The following CRTC3 variants were observed in gnomAD, a reference collection of about 807,000 sequenced individuals.
CRTC3 encodes CREB regulated transcription coactivator 3, also known as CREB-regulated transcription coactivator 3.
Under a neutral mutation model 74.5 loss-of-function variants are expected in CRTC3, and 26 were observed. The ratio of observed to expected loss-of-function variants is 0.35; its 90% confidence interval spans 0.26 to 0.48. The LOEUF (loss-of-function observed/expected upper bound fraction) is 0.48. Among genes scored for constraint, CRTC3 ranks in the 20% least tolerant of loss-of-function variants. CRTC3 has a pLI of 0.99. For synonymous variants in CRTC3, 377 were observed against 325.8 expected, an observed-to-expected ratio of 1.16 and a Z score of -1.69; for missense variants, 760 against 787.3, an observed-to-expected ratio of 0.97 and a Z score of 0.41.
rs1438285337 is a variant in CRTC3 at position 90,604,428 on chromosome 15, C to G, written c.457C>G (p.Leu153Val). The G allele has an allele frequency of 9.3e-6, 15 of 1,613,746 alleles. No individual in the cohort carries two copies. Among genetic ancestry groups the G allele is most frequent in the African/African-American group, 1.3e-5 (1 of 75,048 alleles). ...WKDEKHPGFR[L>V]TSALNRTNSD... ...AGACGAAAAGCATCCTGGGTTCAGG[C>G]TGACATCTGCACTTAACAGGTACAT... Residue 153 changes from leucine (L) to valine (V), a missense_variant, in exon 5 of 15, where the codon CTG becomes GTG. By Grantham distance (32) the Leu-to-Val change is conservative. Transcript: ENST00000268184.
intron 11 of CRTC3, among the ~76,000 whole-genome samples, chr15:90,632,228 C>T (rs1969065525): frequency 6.6e-6 from 1 of 152,136 alleles, no homozygotes; most frequent in South Asian, 2.1e-4. Flanking sequence ...TTTTTAGCTA[C>T]ATTTTAAGGA....
At chr15:90,626,894 C>T (rs1333670924) in intron 10 of CRTC3, among the ~76,000 whole-genome samples, 2 of 152,226 alleles carry the variant, frequency 1.3e-5, no homozygotes, top group African/African-American at 4.8e-5. Flanking sequence ...GGATTACAGG[C>T]GTGAGCCACC....
chr15:90,634,185 C>T (rs1191216211), intron 11 of CRTC3, among the ~76,000 whole-genome samples: 2 of 149,784 alleles, frequency 1.3e-5, no homozygotes, highest in Non-Finnish European at 3.0e-5. Flanking sequence ...GATCTCGGCT[C>T]ATTGTAACCT....
At chr15:90,619,638 C>T (rs1287523323) in intron 8 of CRTC3, 103 bp from the exon 9 acceptor site, 3 of 883,150 alleles carry the variant, frequency 3.4e-6, no homozygotes, top group South Asian at 2.7e-5. Flanking sequence ...CGCAAGCTCT[C>T]ACTTGCGCCC....
intron 7 of CRTC3, 125 bp from the exon 8 acceptor site, chr15:90,617,758 T>G (rs1317897338): frequency 4.8e-6 from 3 of 631,228 alleles, no homozygotes; most frequent in Non-Finnish European, 8.6e-6. Context: ...CTCAAACTCC[T>G]GGGCTCAAGC....
chr15:90,627,517 C>CTT (rs748791436), intron 10 of CRTC3, among the ~76,000 whole-genome samples: 28 of 152,258 alleles, frequency 1.8e-4, no homozygotes, highest in Middle Eastern at 6.8e-3. Flanking sequence ...GCCTTTGACA[C>CTT]TTTGCTTCAA....
At chr15:90,546,024 CG>C (rs1966843757) in intron 2 of CRTC3, among the ~76,000 whole-genome samples, 1 of 152,036 alleles carries the variant, frequency 6.6e-6, no homozygotes, top group African/African-American at 2.4e-5. Context: ...TCTCAAGTCT[CG>C]AAGAGTAGAA....
chr15:90,576,833 G>A (rs1454530641), intron 2 of CRTC3, among the ~76,000 whole-genome samples: 1 of 152,132 alleles, frequency 6.6e-6, no homozygotes, highest in African/African-American at 2.4e-5. Context: ...GTGGAGCAGA[G>A]GGATGGGGGC....
intron 2 of CRTC3, among the ~76,000 whole-genome samples, chr15:90,545,793 T>G (rs190294857): frequency 0.033 from 5,047 of 152,140 alleles, 135 homozygotes; most frequent in Non-Finnish European, 0.049. Flanking sequence ...TTAGCCAGGA[T>G]GGTCTCCATC....
intron 11 of CRTC3, among the ~76,000 whole-genome samples, chr15:90,637,386 A>C (rs1016140096): frequency 1.9e-4 from 29 of 152,224 alleles, no homozygotes; most frequent in African/African-American, 7.0e-4. Flanking sequence ...GGGGAACATC[A>C]CACACCGGGG....
chr15:90,593,232 C>G (rs553269993), intron 2 of CRTC3, among the ~76,000 whole-genome samples: 15 of 152,284 alleles, frequency 9.9e-5, no homozygotes, highest in African/African-American at 3.6e-4. Context: ...TGAATTCAAT[C>G]AAAAATTTTA....
At chr15:90,612,884 A>G (rs750037605) in intron 6 of CRTC3, among the ~76,000 whole-genome samples, 5 of 152,130 alleles carry the variant, frequency 3.3e-5, no homozygotes, top group Non-Finnish European at 7.4e-5. Flanking sequence ...ACCTTCTGCA[A>G]TAGAGTCTCC....
intron 3 of CRTC3, among the ~76,000 whole-genome samples, chr15:90,601,729 G>A (rs1264544076): frequency 6.6e-6 from 1 of 152,156 alleles, no homozygotes; most frequent in Non-Finnish European, 1.5e-5. Context: ...GTCACTGGAA[G>A]CCCAAGGGCT....
chr15:90,539,918 C>T (rs1348616994), intron 1 of CRTC3, 121 bp from the exon 2 acceptor site: 2 of 726,356 alleles, frequency 2.8e-6, no homozygotes, highest in Non-Finnish European at 4.7e-6. Context: ...TCACTTACGT[C>T]GAGAAGAAAT....
In CRTC3 at chr15:90,644,536, C is replaced by G. The variant is rs2151101290; in HGVS notation, c.*2396C>G. ...TGCCCCAAAGGCGTTCTCCAGGTGACTTGTGAAAACAGACCTCCGGGGAAG... is the reference window on the plus strand; with the variant it reads ...TGCCCCAAAGGCGTTCTCCAGGTGAGTTGTGAAAACAGACCTCCGGGGAAG... On this transcript the variant is annotated 3_prime_UTR_variant, in exon 15 of 15. Transcript: ENST00000268184. 1 of 232,864 alleles carries G rather than the reference C, an allele frequency of 4.3e-6. No homozygotes were observed. Among genetic ancestry groups the G allele is most frequent in the East Asian group, 6.1e-5 (1 of 16,498 alleles). The allele number at this position is 232,864 out of a possible 1,614,324, so 14.4% of individuals were successfully genotyped here.
At chr15:90,622,120 C>T (rs1486435714) in intron 9 of CRTC3, among the ~76,000 whole-genome samples, 1 of 152,048 alleles carries the variant, frequency 6.6e-6, no homozygotes, top group Non-Finnish European at 1.5e-5. Flanking sequence ...TGCAAAGACC[C>T]CAAGGCAGGA....
intron 2 of CRTC3, among the ~76,000 whole-genome samples, chr15:90,574,168 C>T (rs960917364): frequency 1.3e-5 from 2 of 152,074 alleles, no homozygotes; most frequent in African/African-American, 4.8e-5. Flanking sequence ...AAGTAATTTA[C>T]AGATTTTAAA....
chr15:90,611,692 C>T (rs1410542913), intron 6 of CRTC3, among the ~76,000 whole-genome samples: 1 of 152,126 alleles, frequency 6.6e-6, no homozygotes, highest in Admixed American at 6.5e-5. Context: ...TTTATCCCAG[C>T]AGTATGTCTC....
At chr15:90,619,952 T>C (rs1288159070) in intron 9 of CRTC3, 162 bp downstream of exon 9, 1 of 626,520 alleles carries the variant, frequency 1.6e-6, no homozygotes, top group African/African-American at 1.8e-5. Context: ...TTGATACTCA[T>C]ATTTCATCTG....
Sources: allele counts gnomAD v4.1 joint callset (sites outside exome capture counted in the v4.1 genomes callset), GRCh38; gene constraint gnomAD v4.1.1; transcripts MANE v1.5; gene names NCBI Gene and HGNC (gene_info 2026-07-23, HGNC 2026-07-21).